The following UNC5B variants were observed in gnomAD, a reference collection of about 807,000 sequenced individuals.
UNC5B encodes netrin receptor UNC5B.
A neutral mutation model predicts 103.7 loss-of-function variants in UNC5B; 56 were observed. The observed-to-expected ratio is 0.54, with a 90% CI of 0.44 to 0.67. UNC5B has a LOEUF of 0.67. Among genes scored for constraint, UNC5B ranks in the 30% least tolerant of loss-of-function variants. UNC5B has a pLI of 0.00. For synonymous variants in UNC5B, 577 were observed against 542.0 expected (o/e 1.06, Z -0.90); for missense variants, 1,194 against 1,284.5 (o/e 0.93, Z 1.08).
rs1845544930 is a variant in UNC5B at position 71,299,806 on chromosome 10, C to T, written c.*529C>T. On this transcript the variant is annotated 3_prime_UTR_variant, in exon 17 of 17. Coordinates refer to ENST00000335350, the MANE Select transcript of UNC5B (RefSeq NM_170744.5). ...AAAGGAAAGAAAGAAAGCTTCAGAC[C>T]GCTAGTAAGGCTCAAAGAAGAAGAA... The T allele has an allele frequency of 2.6e-5, 4 of 152,170 alleles. No homozygotes were observed. The highest frequency in any genetic ancestry group is 2.1e-4 in the South Asian group (1 of 4,818). The allele number at this position is 152,170 out of a possible 1,614,324, so 9.4% of individuals were successfully genotyped here.
intron 1 of UNC5B, among the ~76,000 whole-genome samples, chr10:71,248,274 C>T (rs909959744): frequency 6.6e-6 from 1 of 152,130 alleles, no homozygotes; most frequent in Non-Finnish European, 1.5e-5. Flanking sequence ...GCAGCCTTGC[C>T]TCTGGCCTTG....
chr10:71,260,018 G>C (rs1844379569), intron 1 of UNC5B, among the ~76,000 whole-genome samples: 1 of 152,198 alleles, frequency 6.6e-6, no homozygotes, highest in Non-Finnish European at 1.5e-5. Flanking sequence ...CAAGCCAACT[G>C]CCAGGCAGGA....
intron 1 of UNC5B, among the ~76,000 whole-genome samples, chr10:71,262,788 C>A (rs1284550606): frequency 2.6e-5 from 4 of 152,328 alleles, no homozygotes; most frequent in Admixed American, 2.6e-4. Flanking sequence ...CACAGCAGGG[C>A]CCCAGGACCC....
intron 8 of UNC5B, among the ~76,000 whole-genome samples, chr10:71,290,494 C>T (rs1257006899): frequency 1.3e-5 from 2 of 152,176 alleles, no homozygotes; most frequent in East Asian, 1.9e-4. Flanking sequence ...AGCCAGAAGA[C>T]CTTATCTACA....
intron 1 of UNC5B, among the ~76,000 whole-genome samples, chr10:71,258,980 G>T (rs955156731): frequency 1.3e-5 from 2 of 152,260 alleles, no homozygotes; most frequent in Non-Finnish European, 2.9e-5. Flanking sequence ...GGCAGCCCGT[G>T]TGAGGCCACG....
At chr10:71,282,582 G>A (rs751956391) in intron 2 of UNC5B, among the ~76,000 whole-genome samples, 2 of 152,166 alleles carry the variant, frequency 1.3e-5, no homozygotes, top group African/African-American at 2.4e-5. Context: ...GGCAGGGGCT[G>A]TGCTCCCTGG....
At chr10:71,243,486 A>G (rs1373468494) in intron 1 of UNC5B, among the ~76,000 whole-genome samples, 1 of 152,198 alleles carries the variant, frequency 6.6e-6, no homozygotes, top group Non-Finnish European at 1.5e-5. Flanking sequence ...CTGAACTTTT[A>G]ATTTTAATTA....
chr10:71,298,749 A>C (rs1589211052), intron 16 of UNC5B, among the ~76,000 whole-genome samples: 1 of 152,286 alleles, frequency 6.6e-6, no homozygotes, highest in East Asian at 1.9e-4. Context: ...AGGAATGACC[A>C]CATGCTAGAC....
chr10:71,299,696 C>G lies in UNC5B; in HGVS notation c.*419C>G, dbSNP rs1261601763. 5.8e-6 allele frequency: 1 copy of G among 172,328 alleles called. No individual in the cohort carries two copies. The highest frequency in any genetic ancestry group is 1.3e-5 in the Non-Finnish European group (1 of 79,678). 10.7% of individuals were successfully genotyped at this position (172,328 alleles called of 1,614,324 possible). A position where few individuals can be genotyped will look rare whatever the true frequency, so the allele number is the denominator to read the frequency against. ...TGATTTCTCCTTTCTCCCTAAGCCC[C>G]CTTCTGCTTCCACGCCCTTTTCCTC... is the stretch of plus-strand genomic sequence containing the variant. On this transcript the variant is annotated 3_prime_UTR_variant, in exon 17 of 17. Transcript: ENST00000335350.
At chr10:71,293,615 G>T (rs1564514177) in intron 12 of UNC5B, 42 bp downstream of exon 12, 8 of 1,610,876 alleles carry the variant, frequency 5.0e-6, no homozygotes, top group African/African-American at 1.3e-5. Flanking sequence ...CTCCCAACCT[G>T]CCCAGGGAGG....
intron 1 of UNC5B, among the ~76,000 whole-genome samples, chr10:71,256,234 C>T (rs545399511): frequency 6.6e-6 from 1 of 152,278 alleles, no homozygotes; most frequent in East Asian, 1.9e-4. Context: ...TGGACGAGTA[C>T]CCGCCACACC....
At chr10:71,292,924 A>G (rs1845303870) in intron 11 of UNC5B, among the ~76,000 whole-genome samples, 1 of 152,218 alleles carries the variant, frequency 6.6e-6, no homozygotes, top group Admixed American at 6.5e-5. Context: ...TGTTTAGTCT[A>G]ATTTGCAGAG....
chr10:71,249,802 G>T (rs764327913), intron 1 of UNC5B, among the ~76,000 whole-genome samples: 3 of 152,192 alleles, frequency 2.0e-5, no homozygotes, highest in Non-Finnish European at 2.9e-5. Context: ...GAACAGATAG[G>T]TTACTTAGAG....
intron 1 of UNC5B, among the ~76,000 whole-genome samples, chr10:71,270,776 G>T (rs547330365): frequency 5.3e-5 from 8 of 152,304 alleles, no homozygotes; most frequent in African/African-American, 1.9e-4. Context: ...GTGCTTGGCG[G>T]AGTCTAAGAT....
chr10:71,231,183 G>A (rs1467876252), intron 1 of UNC5B, among the ~76,000 whole-genome samples: 1 of 152,292 alleles, frequency 6.6e-6, no homozygotes, highest in Admixed American at 6.5e-5. Flanking sequence ...ATTTCCTGAG[G>A]GGCAGAAGGT....
At position 71,290,990 on chromosome 10, in the gene UNC5B, T is replaced by C. The variant is rs1205444308; in HGVS notation, c.1175T>C (p.Met392Thr). The C allele has an allele frequency of 1.2e-6, 2 of 1,614,074 alleles. No individual in the cohort carries two copies. The highest frequency in any genetic ancestry group is 1.7e-6 in the Non-Finnish European group (2 of 1,179,998). ...ATCTTCGTGGTCGTGGCAATCCTCA[T>C]GGCGGTGGGGGTGGTGGTGTACCGC... ...VAIFVVVAIL[M>T]AVGVVVYRRN... Residue 392 changes from methionine (M) to threonine (T), a missense_variant, in exon 9 of 17, where the codon ATG becomes ACG. Coordinates refer to ENST00000335350, the MANE Select transcript of UNC5B (RefSeq NM_170744.5).
intron 1 of UNC5B, among the ~76,000 whole-genome samples, chr10:71,225,649 C>T (rs1021265970): frequency 1.3e-5 from 2 of 152,212 alleles, no homozygotes; most frequent in Admixed American, 6.5e-5. Flanking sequence ...ACGGGGCAGG[C>T]AGGACCAGCA....
At position 71,291,702 on chromosome 10, in the gene UNC5B, T is replaced by C; in HGVS notation, c.1565T>C (p.Leu522Pro). The C allele has an allele frequency of 6.2e-7, 1 of 1,613,118 alleles. No homozygotes were observed. Among genetic ancestry groups the C allele is most frequent in the Non-Finnish European group, 8.5e-7 (1 of 1,180,024 alleles). ...GATTTCGCCCGGGACACCCACTTCC[T>C]GCACCTGCGCAGCGCCAGCCTCGGT... ...PSDFARDTHF[L>P]HLRSASLGSQ... Residue 522 changes from leucine to proline, a missense_variant, in exon 10 of 17, where the codon CTG (leucine) becomes CCG (proline). Transcript: ENST00000335350.
At position 71,292,514 on chromosome 10, in the gene UNC5B, T is replaced by C. The variant is rs1845291469; in HGVS notation, c.1732T>C (p.Tyr578His). ...PNGAIPQGKF[Y>H]EMYLLINKAE... ...TGGAGCCATTCCCCAGGGCAAGTTC[T>C]ACGAGATGTATCTACTCATCAACAA... Residue 578 changes from tyrosine to histidine, a missense_variant, in exon 11 of 17, where the codon TAC (tyrosine) becomes CAC (histidine). By Grantham distance (83) the Tyr-to-His change is moderately conservative (BLOSUM62 2). Coordinates refer to ENST00000335350, the MANE Select transcript of UNC5B (RefSeq NM_170744.5). The C allele has an allele frequency of 6.2e-7, 1 of 1,606,226 alleles. No individual in the cohort carries two copies. The highest frequency in any genetic ancestry group is 8.5e-7 in the Non-Finnish European group (1 of 1,176,628).
Sources: allele counts gnomAD v4.1 joint callset (sites outside exome capture counted in the v4.1 genomes callset), GRCh38; gene constraint gnomAD v4.1.1; transcripts MANE v1.5; gene names NCBI Gene and HGNC (gene_info 2026-07-23, HGNC 2026-07-21).